SMIM8: variants seen among roughly 807,000 people sequenced by gnomAD.
SMIM8 encodes the protein small integral membrane protein 8, also known as UPF0708 protein C6orf162.
In SMIM8, 8 loss-of-function variants were observed where a neutral mutation model predicts 8.1. That is an observed-to-expected ratio of 0.99 (90% CI 0.58 to 1.78). The LOEUF (loss-of-function observed/expected upper bound fraction) is 1.78. Ranked by LOEUF, SMIM8 falls within the 40% of genes most tolerant of loss-of-function variation. The pLI, the probability that SMIM8 is intolerant of heterozygous loss-of-function variation, is 0.00. For missense variants in SMIM8, 126 were observed against 119.8 expected (o/e 1.05, Z -0.24); for synonymous variants, 45 against 39.7 (o/e 1.13, Z -0.50).
At chr6:87,330,069 C>G (rs1344531105) in intron 1 of SMIM8, among the ~76,000 whole-genome samples, 1 of 152,140 alleles carries the variant, frequency 6.6e-6, no homozygotes, top group East Asian at 1.9e-4. Context: ...CTATGTTTCC[C>G]CTCAAGCCAT....
Position 87,337,218 on chromosome 6 carries a change from A to G in SMIM8, c.135+52A>G, listed in dbSNP as rs1346848929. 3 of 1,497,846 alleles carry G rather than the reference A, an allele frequency of 2.0e-6. No individual in the cohort carries two copies. The Admixed American group carries it at 6.6e-5, about 33-fold the overall frequency. The allele number at this position is 1,497,846 out of a possible 1,614,324, so 92.8% of individuals were successfully genotyped here. Reference sequence around the variant, plus strand: ...TTGTGTTTAATCCAACCAGACTGTCAGAAAGTTCTAATTTTCTTGTATTTG... The same window carrying G: ...TTGTGTTTAATCCAACCAGACTGTCGGAAAGTTCTAATTTTCTTGTATTTG... On this transcript the variant is annotated intron_variant, in intron 3 of 3. Coordinates refer to ENST00000392863, the MANE Select transcript of SMIM8 (RefSeq NM_001042493.3).
At chr6:87,332,801 G>A (rs143641288) in intron 2 of SMIM8, among the ~76,000 whole-genome samples, 3,181 of 46,278 alleles carry the variant, frequency 0.069, 54 homozygotes, top group Middle Eastern at 0.12. Context: ...GGCCTTTGTA[G>A]TATTTTTATC....
chr6:87,330,866 CAAG>C (rs1776980843), intron 2 of SMIM8, 154 bp downstream of exon 2: 1 of 151,106 alleles, frequency 6.6e-6, no homozygotes, highest in Non-Finnish European at 1.5e-5. Context: ...GAAAAGGGAA[CAAG>C]AAGTGGGTGA....
At chr6:87,334,457 G>C (rs1295390174) in intron 2 of SMIM8, among the ~76,000 whole-genome samples, 1 of 151,998 alleles carries the variant, frequency 6.6e-6, no homozygotes, top group African/African-American at 2.4e-5. Context: ...TTGTTTGTTT[G>C]TTTGTTTTTG....
rs756876323 is a variant in SMIM8, at chr6:87,337,181, C to T, written c.135+15C>T. ...TCATTAAACCTGTAAGAAATACATC[C>T]AGGATAAGACTTTGTGTTTAATCCA... is the stretch of plus-strand genomic sequence containing the variant. On this transcript the variant is annotated intron_variant, in intron 3 of 3. Coordinates refer to ENST00000392863, the MANE Select transcript of SMIM8 (RefSeq NM_001042493.3). The T allele has an allele frequency of 4.4e-6, 7 of 1,579,500 alleles. No individual in the cohort carries two copies. The Admixed American group carries it at 1.1e-4, about 25-fold the overall frequency.
chr6:87,340,291 A>G lies in SMIM8; in HGVS notation c.*17A>G, dbSNP rs1337781185. ...TGGGATTAGTAGTGCTGGTTAGTGCAGATGGACCTTTATTAAAGGTTCTGA... is the reference window on the plus strand; with the variant it reads ...TGGGATTAGTAGTGCTGGTTAGTGCGGATGGACCTTTATTAAAGGTTCTGA... On this transcript the variant is annotated 3_prime_UTR_variant, in exon 4 of 4. Transcript: ENST00000392863. The G allele has an allele frequency of 1.3e-6, 2 of 1,550,406 alleles. No individual in the cohort carries two copies. The highest frequency in any genetic ancestry group is 1.7e-6 in the Non-Finnish European group (2 of 1,154,566).
chr6:87,323,742 C>T (rs1425306987), intron 1 of SMIM8, among the ~76,000 whole-genome samples: 1 of 152,026 alleles, frequency 6.6e-6, no homozygotes, highest in Non-Finnish European at 1.5e-5. Flanking sequence ...CATACGTGTG[C>T]TTGTGTCTTT....
chr6:87,335,027 C>CT (rs1158686750), intron 2 of SMIM8, among the ~76,000 whole-genome samples: 1 of 152,154 alleles, frequency 6.6e-6, no homozygotes, highest in Admixed American at 6.5e-5. Context: ...CAGCTCACTT[C>CT]TGAAAGCAGT....
rs1462325264 is a variant in SMIM8 at position 87,328,198 on chromosome 6, G to T, written c.-44-2494G>T. ...TTTTCAACTTCTTTGCCTTTGGTTT[G>T]AATTTCCTCCCGTAGCTCGGAATAA... On this transcript the variant is annotated intron_variant, in intron 1 of 3. Transcript: ENST00000392863. Among the ~76,000 whole-genome samples, 5 of 152,144 alleles carry T rather than the reference G, an allele frequency of 3.3e-5. 1 individual carries two copies. The highest frequency in any genetic ancestry group is 1.2e-4 in the African/African-American group (5 of 41,408).
chr6:87,332,207 GT>G (rs1777009299), intron 2 of SMIM8, among the ~76,000 whole-genome samples: 1 of 151,424 alleles, frequency 6.6e-6, no homozygotes, highest in South Asian at 2.1e-4. Flanking sequence ...TTTCATATAG[GT>G]TGAATTTCAT....
chr6:87,336,182 C>T (rs996840702), intron 2 of SMIM8, among the ~76,000 whole-genome samples: 1 of 152,144 alleles, frequency 6.6e-6, no homozygotes, highest in Non-Finnish European at 1.5e-5. Context: ...TCTTTGGAAG[C>T]TTTCTTTCTC....
intron 1 of SMIM8, among the ~76,000 whole-genome samples, chr6:87,328,249 G>T (rs1776884603): frequency 6.6e-6 from 1 of 152,038 alleles, no homozygotes; most frequent in Non-Finnish European, 1.5e-5. Flanking sequence ...CCTTCTCTCA[G>T]CTCGTCAAAG....
intron 1 of SMIM8, among the ~76,000 whole-genome samples, chr6:87,324,402 G>C (rs1425469429): frequency 2.0e-5 from 3 of 151,624 alleles, no homozygotes; most frequent in Admixed American, 2.0e-4. Context: ...TATGGTTTTA[G>C]GTCTAACGTT....
chr6:87,328,496 T>C (rs1776896957), intron 1 of SMIM8, among the ~76,000 whole-genome samples: 1 of 151,590 alleles, frequency 6.6e-6, no homozygotes, highest in African/African-American at 2.4e-5. Context: ...TTCAGGTCTG[T>C]TGGAGTACCC....
rs1296910561 is a variant in SMIM8, at chr6:87,339,431, TG to T, written c.136-684del. ...AACACAGCGTGTGTGTGTGTGTGTG[TG>T]TGTTTGTGTGTGTGTGTGTGTGTGT... On this transcript the variant is annotated intron_variant, in intron 3 of 3. Coordinates refer to ENST00000392863, the MANE Select transcript of SMIM8 (RefSeq NM_001042493.3). 5.2e-3 allele frequency among the ~76,000 whole-genome samples: 512 copies of T among 98,560 alleles called. 6 individuals are homozygous for T. The highest frequency in any genetic ancestry group is 0.025 in the African/African-American group (477 of 18,748). The allele number at this position is 98,560 out of a possible 152,430, so 64.7% of individuals were successfully genotyped here.
chr6:87,340,574 G>A lies in SMIM8; in HGVS notation c.*300G>A, dbSNP rs1273794134. The A allele has an allele frequency of 2.1e-5, 4 of 188,866 alleles. No homozygotes were observed. The highest frequency in any genetic ancestry group is 9.3e-5 in the African/African-American group (4 of 43,012). 11.7% of individuals were successfully genotyped at this position (188,866 alleles called of 1,614,324 possible). A position where few individuals can be genotyped will look rare whatever the true frequency, so the allele number is the denominator to read the frequency against. Reference sequence around the variant, plus strand: ...AATTCTGTATAATAAAAGTACCCATGCTGTTAAATTTGCATGATGTTTTAA... The same window carrying A: ...AATTCTGTATAATAAAAGTACCCATACTGTTAAATTTGCATGATGTTTTAA... On this transcript the variant is annotated 3_prime_UTR_variant, in exon 4 of 4. Transcript: ENST00000392863.
intron 2 of SMIM8, among the ~76,000 whole-genome samples, chr6:87,334,861 G>C (rs571236274): frequency 6.6e-6 from 1 of 152,298 alleles, no homozygotes; most frequent in South Asian, 2.1e-4. Context: ...ATTGACAAGG[G>C]AATGCAAGGA....
intron 2 of SMIM8, among the ~76,000 whole-genome samples, chr6:87,331,923 A>G (rs1777003714): frequency 6.6e-6 from 1 of 152,176 alleles, no homozygotes; most frequent in Admixed American, 6.5e-5. Flanking sequence ...ATTGTGGTAT[A>G]TTAAATCTTT....
At chr6:87,330,827 G>C (rs1206097083) in intron 2 of SMIM8, 115 bp downstream of exon 2, 1 of 151,542 alleles carries the variant, frequency 6.6e-6, no homozygotes, top group Admixed American at 6.6e-5. Context: ...TTTAAGAAAA[G>C]ATAAATAACA....
Sources: allele counts gnomAD v4.1 joint callset (sites outside exome capture counted in the v4.1 genomes callset), GRCh38; gene constraint gnomAD v4.1.1; transcripts MANE v1.5; gene names NCBI Gene and HGNC (gene_info 2026-07-23, HGNC 2026-07-21).